Variants in FAM184B observed in about 807,000 individuals in gnomAD.
The protein encoded by FAM184B is family with sequence similarity 184 member B.
In FAM184B, 111 loss-of-function variants were observed where a neutral mutation model predicts 135.9. The ratio of observed to expected loss-of-function variants is 0.82; its 90% CI spans 0.70 to 0.96. FAM184B has a LOEUF of 0.96. FAM184B is among the 40% of genes least tolerant of loss of function. The pLI, the probability that FAM184B is intolerant of heterozygous loss-of-function variation, is 0.00. For missense variants in FAM184B, 1,375 were observed against 1,323.9 expected (o/e 1.04, Z -0.60); for synonymous variants, 552 against 524.8 (o/e 1.05, Z -0.71).
chr4:17,730,480 G>A (rs1315695506), intron 1 of FAM184B, among the ~76,000 whole-genome samples: 2 of 152,284 alleles, frequency 1.3e-5, no homozygotes, highest in African/African-American at 2.4e-5. Flanking sequence ...CACCAAAGTT[G>A]AAATGAAGGA....
Position 17,664,631 on chromosome 4 carries a change from G to T in FAM184B, c.1625C>A (p.Ser542Ter). 2 of 1,548,384 alleles carry T rather than the reference G, an allele frequency of 1.3e-6. No homozygotes were observed. Among genetic ancestry groups the T allele is most frequent in the Non-Finnish European group, 8.7e-7 (1 of 1,146,140 alleles). ...QDPCLKLDET[S>*]PRGEEYQDKL... is the part of the protein sequence containing the mutation. Reference sequence around the variant, plus strand: ...ATCTTGATACTCCTCTCCTCTCGGCGAAGTTTCATCCAGCTTCAAGCATGG... The same window carrying T: ...ATCTTGATACTCCTCTCCTCTCGGCTAAGTTTCATCCAGCTTCAAGCATGG... Residue 542 changes from serine (S) to a stop codon, truncating the protein, a stop_gained, in exon 8 of 18, where the codon TCG becomes TAG. Transcript: ENST00000265018. LOFTEE classifies it high-confidence loss of function.
chr4:17,732,427 G>A (rs1288014260), intron 1 of FAM184B, among the ~76,000 whole-genome samples: 11 of 152,170 alleles, frequency 7.2e-5, no homozygotes, highest in Non-Finnish European at 1.3e-4. Flanking sequence ...CAACAAAATC[G>A]ATAGACCGCT....
intron 1 of FAM184B, among the ~76,000 whole-genome samples, chr4:17,763,842 T>C (rs563398748): frequency 6.6e-6 from 1 of 152,300 alleles, no homozygotes; most frequent in Admixed American, 6.5e-5. Context: ...GCATGCTTTT[T>C]CAAGGGCAGA....
intron 1 of FAM184B, among the ~76,000 whole-genome samples, chr4:17,764,201 G>T (rs1718606038): frequency 6.6e-6 from 1 of 152,170 alleles, no homozygotes; most frequent in Non-Finnish European, 1.5e-5. Context: ...AACGGAAGAG[G>T]GGAGAGATTA....
intron 5 of FAM184B, among the ~76,000 whole-genome samples, chr4:17,694,275 G>A (rs1006804361): frequency 5.3e-5 from 8 of 152,208 alleles, no homozygotes; most frequent in African/African-American, 1.9e-4. Context: ...TGTAATCCCA[G>A]CACTTTGGGA....
At chr4:17,677,448 T>C (rs905063105) in intron 7 of FAM184B, among the ~76,000 whole-genome samples, 3 of 152,130 alleles carry the variant, frequency 2.0e-5, no homozygotes, top group Non-Finnish European at 4.4e-5. Flanking sequence ...GATAAATTCC[T>C]GGAAATATAC....
chr4:17,633,068 G>T (rs762129180), intron 17 of FAM184B: 1 of 156,716 alleles, frequency 6.4e-6, no homozygotes, highest in Non-Finnish European at 1.4e-5. Context: ...AATTACAGGC[G>T]CATACCACCA....
intron 5 of FAM184B, among the ~76,000 whole-genome samples, chr4:17,702,559 A>G (rs1376041586): frequency 6.6e-6 from 1 of 152,198 alleles, no homozygotes; most frequent in Admixed American, 6.5e-5. Flanking sequence ...GGGGAAAATG[A>G]TATCTATTTT....
intron 1 of FAM184B, among the ~76,000 whole-genome samples, chr4:17,779,088 A>G (rs1718984809): frequency 6.6e-6 from 1 of 152,198 alleles, no homozygotes; most frequent in Non-Finnish European, 1.5e-5. Flanking sequence ...CAGCAGTGGA[A>G]TATGTATCAC....
chr4:17,691,752 C>T (rs1335600259), intron 6 of FAM184B, among the ~76,000 whole-genome samples: 1 of 151,098 alleles, frequency 6.6e-6, no homozygotes, highest in Non-Finnish European at 1.5e-5. Context: ...TAGGTCAGGG[C>T]CCAGGCTTCC....
At chr4:17,650,243 C>G (rs1715578576) in intron 11 of FAM184B, among the ~76,000 whole-genome samples, 1 of 152,190 alleles carries the variant, frequency 6.6e-6, no homozygotes, top group African/African-American at 2.4e-5. Context: ...TAGTAAACAC[C>G]CACCCTCCCT....
chr4:17,659,488 T>A (rs757058978), intron 9 of FAM184B, among the ~76,000 whole-genome samples: 1 of 150,502 alleles, frequency 6.6e-6, no homozygotes. Context: ...GCACAACAGG[T>A]TTTTTATTTT....
At chr4:17,724,589 A>G (rs1040873605) in intron 1 of FAM184B, among the ~76,000 whole-genome samples, 1 of 152,092 alleles carries the variant, frequency 6.6e-6, no homozygotes, top group Non-Finnish European at 1.5e-5. Context: ...TCCATGGAGG[A>G]AAAGAGTTTA....
At chr4:17,667,276 C>A (rs954353415) in intron 7 of FAM184B, among the ~76,000 whole-genome samples, 4 of 152,142 alleles carry the variant, frequency 2.6e-5, no homozygotes, top group Non-Finnish European at 5.9e-5. Flanking sequence ...CACTTTACAT[C>A]CCATGGAGAG....
intron 7 of FAM184B, among the ~76,000 whole-genome samples, chr4:17,682,195 G>A (rs574348519): frequency 6.6e-6 from 1 of 152,320 alleles, no homozygotes; most frequent in Admixed American, 6.5e-5. Context: ...CCCGTTCAGT[G>A]TGGCCCAGGC....
chr4:17,703,879 C>T (rs146794047), intron 5 of FAM184B, among the ~76,000 whole-genome samples: 1,516 of 146,910 alleles, frequency 0.01, 17 homozygotes, highest in South Asian at 0.026. Context: ...TGCAGTGAGC[C>T]GAGATTGCGT....
chr4:17,704,292 C>G (rs1717058101), intron 5 of FAM184B, among the ~76,000 whole-genome samples: 1 of 152,214 alleles, frequency 6.6e-6, no homozygotes, highest in South Asian at 2.1e-4. Context: ...CTTATTCCAG[C>G]AAACACAAGA....
At chr4:17,771,749 C>T (rs1022331554) in intron 1 of FAM184B, among the ~76,000 whole-genome samples, 1 of 152,204 alleles carries the variant, frequency 6.6e-6, no homozygotes, top group Admixed American at 6.5e-5. Flanking sequence ...CCTCTCAGCC[C>T]AGGGAAGAGC....
intron 1 of FAM184B, among the ~76,000 whole-genome samples, chr4:17,727,677 C>CTCATGAGAACTCACAA (rs1717673134): frequency 6.6e-6 from 1 of 152,130 alleles, no homozygotes; most frequent in Admixed American, 6.6e-5. Context: ...ATCAACAGAA[C>CTCATGAGAACTCACAA]TCATGAGAAC....
Sources: gnomAD v4.1 joint callset for allele counts (sites outside exome capture counted in the v4.1 genomes callset) on GRCh38, gnomAD v4.1.1 for gene constraint, MANE v1.5 for transcripts, NCBI Gene and HGNC (gene_info 2026-07-23, HGNC 2026-07-21) for gene names.